DOK5: variants seen among roughly 807,000 people sequenced by gnomAD.
The protein encoded by DOK5 is docking protein 5, also known as downstream of tyrosine kinase 5.
Under a neutral mutation model 43.3 loss-of-function variants are expected in DOK5, and 27 were observed. The observed-to-expected ratio is 0.62, with a 90% CI of 0.46 to 0.86. DOK5 has a LOEUF of 0.86. Ranked by LOEUF, DOK5 falls within the 40% of genes least tolerant of loss-of-function variation. DOK5 has a pLI of 0.00. For missense variants in DOK5, 373 were observed against 392.9 expected, an observed-to-expected ratio of 0.95 and a Z score of 0.43; for synonymous variants, 146 against 140.1, an observed-to-expected ratio of 1.04 and a Z score of -0.30.
chr20:54,567,522 A>G (rs1985137656), intron 2 of DOK5, among the ~76,000 whole-genome samples: 1 of 152,152 alleles, frequency 6.6e-6, no homozygotes, highest in Non-Finnish European at 1.5e-5. Flanking sequence ...TAGATTCTCT[A>G]TTCTTTTCCA....
chr20:54,551,030 T>C (rs1013910035), intron 1 of DOK5, among the ~76,000 whole-genome samples: 12 of 152,212 alleles, frequency 7.9e-5, no homozygotes, highest in African/African-American at 2.9e-4. Flanking sequence ...GTATGAGTCA[T>C]CCAATTTTTC....
At chr20:54,561,338 C>T (rs529149618) in intron 2 of DOK5, among the ~76,000 whole-genome samples, 1 of 152,322 alleles carries the variant, frequency 6.6e-6, no homozygotes, top group East Asian at 1.9e-4. Flanking sequence ...GACAAGGCAA[C>T]CCATAGTAAA....
chr20:54,550,494 A>T (rs1984492682), intron 1 of DOK5, among the ~76,000 whole-genome samples: 1 of 152,198 alleles, frequency 6.6e-6, no homozygotes, highest in Admixed American at 6.5e-5. Context: ...AGGATCCCTG[A>T]TGTTAACCTG....
chr20:54,536,484 A>G (rs939448295), intron 1 of DOK5, among the ~76,000 whole-genome samples: 2 of 152,196 alleles, frequency 1.3e-5, no homozygotes, highest in African/African-American at 4.8e-5. Flanking sequence ...AAGCTGGGAC[A>G]TTGCATGTAA....
In DOK5 at chr20:54,492,118, A is replaced by G. The variant is rs117495983; in HGVS notation, c.66+16106A>G. Among the ~76,000 whole-genome samples, 130 of 152,108 alleles carry G rather than the reference A, an allele frequency of 8.5e-4. 2 individuals are homozygous for G. In the East Asian group the frequency reaches 0.025, roughly 29 times the overall value. On this transcript the variant is annotated intron_variant, in intron 1 of 7. Coordinates refer to ENST00000262593, the MANE Select transcript of DOK5 (RefSeq NM_018431.5). Reference sequence around the variant, plus strand: ...TCTTTTAATTTAACCAGTATTTTATATTACATATACATGGTAGAGAAAGAA... The same window carrying G: ...TCTTTTAATTTAACCAGTATTTTATGTTACATATACATGGTAGAGAAAGAA...
intron 4 of DOK5, 52 bp from the exon 5 acceptor site, chr20:54,591,564 T>C: frequency 7.2e-7 from 1 of 1,394,078 alleles, no homozygotes; most frequent in Non-Finnish European, 9.8e-7. Flanking sequence ...CTACAATGTC[T>C]TTGATGTTTT....
chr20:54,636,225 T>C (rs1300399860), intron 6 of DOK5, among the ~76,000 whole-genome samples: 1 of 152,238 alleles, frequency 6.6e-6, no homozygotes, highest in African/African-American at 2.4e-5. Flanking sequence ...AAGCTAACTT[T>C]AAGAGAAATT....
rs73142913 is a variant in DOK5 at position 54,490,353 on chromosome 20, T to C, written c.66+14341T>C. Among the ~76,000 whole-genome samples, 103 of 152,304 alleles carry C rather than the reference T, an allele frequency of 6.8e-4. 1 individual carries two copies. The highest frequency in any genetic ancestry group is 1.4e-3 in the Admixed American group (21 of 15,306). On this transcript the variant is annotated intron_variant, in intron 1 of 7. Transcript: ENST00000262593. ...TGATACATATATACATATACATACG[T>C]ATATACATACATATATTTTAAATTT... is the stretch of plus-strand genomic sequence containing the variant.
chr20:54,592,897 T>C (rs187393329), intron 5 of DOK5, among the ~76,000 whole-genome samples: 76 of 152,302 alleles, frequency 5.0e-4, no homozygotes, highest in Non-Finnish European at 1.0e-3. Context: ...CTTCTGTATA[T>C]GGCCTGACAT....
In DOK5 at chr20:54,646,248, G is replaced by GTTTTTT. The variant is rs386394048; in HGVS notation, c.856+2689_856+2694dup. Among the ~76,000 whole-genome samples, 409 of 79,922 alleles carry GTTTTTT rather than the reference G, an allele frequency of 5.1e-3. 54 individuals are homozygous for GTTTTTT. Among genetic ancestry groups the GTTTTTT allele is most frequent in the Non-Finnish European group, 7.1e-3 (328 of 46,208 alleles). 52.4% of individuals were successfully genotyped at this position (79,922 alleles called of 152,430 possible). On this transcript the variant is annotated intron_variant, in intron 7 of 7. Transcript: ENST00000262593. ...TACTGTTATATCCACTGGTTATACT[G>GTTTTTT]TTTTTTTTTTTTTTTTTTTTTTTTG...
At chr20:54,485,790 C>T (rs886396469) in intron 1 of DOK5, among the ~76,000 whole-genome samples, 5 of 152,182 alleles carry the variant, frequency 3.3e-5, no homozygotes, top group South Asian at 2.1e-4. Context: ...GTGAGTGAAT[C>T]GGTTTTTCTG....
chr20:54,546,070 G>A (rs1469760559), intron 1 of DOK5, among the ~76,000 whole-genome samples: 1 of 152,078 alleles, frequency 6.6e-6, no homozygotes, highest in East Asian at 1.9e-4. Context: ...CCAGATTCAG[G>A]CAAACAAAAG....
Position 54,619,023 on chromosome 20 carries a change from T to TTTTATATATA in DOK5, c.735+8501_735+8502insTTATATATAT, listed in dbSNP as rs1555836770. Reference sequence around the variant, plus strand: ...CAGAACAAGACCTTGTTTCAATAAATTATATATATATATATATATATATAT... The same window carrying TTTTATATATA: ...CAGAACAAGACCTTGTTTCAATAAATTTTATATATATATATATATATATATATATATATAT... On this transcript the variant is annotated intron_variant, in intron 6 of 7. Coordinates refer to ENST00000262593, the MANE Select transcript of DOK5 (RefSeq NM_018431.5). Among the ~76,000 whole-genome samples the TTTTATATATA allele has an allele frequency of 5.5e-4, 24 of 43,406 alleles. 5 individuals carry two copies. Among genetic ancestry groups the TTTTATATATA allele is most frequent in the Admixed American group, 8.7e-4 (3 of 3,450 alleles). 28.5% of individuals were successfully genotyped at this position (43,406 alleles called of 152,430 possible).
At chr20:54,542,858 A>G (rs1984212783) in intron 1 of DOK5, among the ~76,000 whole-genome samples, 1 of 152,210 alleles carries the variant, frequency 6.6e-6, no homozygotes, top group South Asian at 2.1e-4. Context: ...ATGTGTTCAG[A>G]TTACTGTTGC....
intron 2 of DOK5, among the ~76,000 whole-genome samples, chr20:54,564,173 C>T (rs1438848862): frequency 1.3e-5 from 2 of 152,110 alleles, no homozygotes; most frequent in Non-Finnish European, 2.9e-5. Context: ...CCTGTAATCC[C>T]AGCACTTTGG....
intron 1 of DOK5, among the ~76,000 whole-genome samples, chr20:54,533,805 T>G (rs548499958): frequency 6.6e-5 from 10 of 152,354 alleles, no homozygotes; most frequent in African/African-American, 2.2e-4. Context: ...GTTTATTATT[T>G]GCTTGATGCC....
chr20:54,536,228 A>G (rs1983958350), intron 1 of DOK5, among the ~76,000 whole-genome samples: 1 of 152,068 alleles, frequency 6.6e-6, no homozygotes, highest in Non-Finnish European at 1.5e-5. Flanking sequence ...GATTTGGGAG[A>G]TGGGAATGTG....
chr20:54,498,102 A>G (rs1982467630), intron 1 of DOK5, among the ~76,000 whole-genome samples: 1 of 152,190 alleles, frequency 6.6e-6, no homozygotes, highest in Admixed American at 6.5e-5. Context: ...GGGACCTTGG[A>G]GAGCAACAGA....
At chr20:54,520,128 A>G (rs1983341809) in intron 1 of DOK5, among the ~76,000 whole-genome samples, 2 of 151,910 alleles carry the variant, frequency 1.3e-5, no homozygotes, top group Admixed American at 1.3e-4. Context: ...TCAGTAGAAC[A>G]CTCCTAATCC....
Sources: allele counts gnomAD v4.1 joint callset (sites outside exome capture counted in the v4.1 genomes callset), GRCh38; gene constraint gnomAD v4.1.1; transcripts MANE v1.5; gene names NCBI Gene and HGNC (gene_info 2026-07-23, HGNC 2026-07-21).